SHC4: variants seen among roughly 807,000 people sequenced by gnomAD.
SHC4 encodes the protein SHC-transforming protein 4.
SHC4 carries 41 observed loss-of-function variants against 69.4 expected under a neutral mutation model. That is an observed-to-expected ratio of 0.59 (90% CI 0.46 to 0.77). The LOEUF (loss-of-function observed/expected upper bound fraction) is 0.77. SHC4 is among the 30% of genes least tolerant of loss of function. The probability of loss-of-function intolerance (pLI) is 0.00; values close to 1 mark genes in which losing one functional copy is unlikely to be tolerated. For synonymous variants in SHC4, 318 were observed against 299.3 expected (o/e 1.06, Z -0.64); for missense variants, 777 against 783.8 (o/e 0.99, Z 0.10).
chr15:48,882,455 C>G (rs2141001653), intron 4 of SHC4, among the ~76,000 whole-genome samples: 1 of 152,254 alleles, frequency 6.6e-6, no homozygotes, highest in Admixed American at 6.5e-5. Flanking sequence ...ATGAAAACCA[C>G]CCGTTATCCT....
intron 2 of SHC4, among the ~76,000 whole-genome samples, chr15:48,905,161 C>G (rs933713502): frequency 6.6e-6 from 1 of 152,180 alleles, no homozygotes; most frequent in Non-Finnish European, 1.5e-5. Flanking sequence ...AGGATCATCT[C>G]AAGATCTGTG....
In SHC4 at chr15:48,962,640, C is replaced by T. The variant is rs141573025; in HGVS notation, c.376G>A (p.Gly126Ser). The change falls in exon 1 of 12, where the codon GGT (glycine) becomes AGT (serine). Residue 126 changes from glycine (G) to serine (S), a missense_variant. Coordinates refer to ENST00000332408, the MANE Select transcript of SHC4 (RefSeq NM_203349.4). ...TCTGGGGAAGAGGGGCCGCTGGAAC[C>T]TGGGTCCCGGCTTTCCTGGAGCTTC... ...RLKLQESRDP[G>S]SSGPSSPETS... The T allele has an allele frequency of 2.5e-6, 4 of 1,614,084 alleles. No homozygotes were observed. The African/African-American group carries it at 4.0e-5, about 16-fold the overall frequency.
intron 9 of SHC4, among the ~76,000 whole-genome samples, chr15:48,848,519 G>A (rs987586494): frequency 2.0e-5 from 3 of 152,126 alleles, no homozygotes; most frequent in Non-Finnish European, 4.4e-5. Context: ...CAGAATAGTA[G>A]AATATAGTAT....
intron 2 of SHC4, among the ~76,000 whole-genome samples, chr15:48,922,871 G>GTC (rs1611009): frequency 0.62 from 94,896 of 151,854 alleles, 30,050 homozygotes; most frequent in East Asian, 0.71. Context: ...TTGGAAAGTA[G>GTC]TAGATACCAT....
chr15:48,865,400 T>C lies in SHC4; in HGVS notation c.946+2418A>G, dbSNP rs1595737280. Reference sequence around the variant, plus strand: ...AAAGGAGGAAGAGGTGATAGAGACATATTAACTTTTAAAGCCAAGAAAACT... The same window carrying C: ...AAAGGAGGAAGAGGTGATAGAGACACATTAACTTTTAAAGCCAAGAAAACT... On this transcript the variant is annotated intron_variant, in intron 6 of 11. Coordinates refer to ENST00000332408, the MANE Select transcript of SHC4 (RefSeq NM_203349.4). Among the ~76,000 whole-genome samples, 4 of 152,274 alleles carry C rather than the reference T, an allele frequency of 2.6e-5. No individual in the cohort carries two copies. In the South Asian group the frequency reaches 6.2e-4, roughly 24 times the overall value.
At position 48,826,018 on chromosome 15, in the gene SHC4, G is replaced by A; in HGVS notation, c.1846C>T (p.Pro616Ser). 6.2e-7 allele frequency: 1 copy of A among 1,613,926 alleles called. No homozygotes were observed. The highest frequency in any genetic ancestry group is 2.2e-5 in the East Asian group (1 of 44,832). Residue 616 changes from proline to serine, a missense_variant, in exon 12 of 12, where the codon CCA becomes TCA. Transcript: ENST00000332408. The stretch of plus-strand genomic sequence containing the variant: ...GCTGGATTATTATCTTTTCTCACTG[G>A]TTGTTTAAGGCTTACTTCGCTTCCA... ...SSGSEVSLKQ[P>S]VRKDNNPALL...
intron 6 of SHC4, among the ~76,000 whole-genome samples, chr15:48,867,566 A>G (rs1027452206): frequency 2.6e-5 from 4 of 152,192 alleles, no homozygotes; most frequent in African/African-American, 9.7e-5. Context: ...TAACCATAAT[A>G]GCTTCTCTTT....
At chr15:48,828,091 GTA>G (rs1898721917) in intron 11 of SHC4, among the ~76,000 whole-genome samples, 4 of 109,288 alleles carry the variant, frequency 3.7e-5, no homozygotes, top group South Asian at 4.0e-4. Context: ...ACATATGTAT[GTA>G]TGTGTGTGTG....
chr15:48,915,158 C>T (rs553422901), intron 2 of SHC4, among the ~76,000 whole-genome samples: 3 of 152,192 alleles, frequency 2.0e-5, no homozygotes, highest in African/African-American at 4.8e-5. Context: ...CCCATTCCGT[C>T]GGTTGCCTTA....
At chr15:48,943,827 G>T (rs1901221581) in intron 1 of SHC4, among the ~76,000 whole-genome samples, 1 of 151,970 alleles carries the variant, frequency 6.6e-6, no homozygotes, top group African/African-American at 2.4e-5. Context: ...GTTTTGATTT[G>T]CATTTCCCTG....
chr15:48,885,128 G>A (rs1900010370), intron 3 of SHC4, among the ~76,000 whole-genome samples: 2 of 152,152 alleles, frequency 1.3e-5, no homozygotes, highest in Non-Finnish European at 2.9e-5. Context: ...AAGAAGTGTG[G>A]GGGTGTGGTG....
At chr15:48,953,956 G>A (rs1304045242) in intron 1 of SHC4, among the ~76,000 whole-genome samples, 2 of 152,156 alleles carry the variant, frequency 1.3e-5, no homozygotes, top group African/African-American at 4.8e-5. Flanking sequence ...TTAAAAGAGG[G>A]GAAAGAAGAA....
In SHC4 at chr15:48,825,806, T is replaced by C; in HGVS notation, c.*165A>G. 1 of 759,170 alleles carries C rather than the reference T, an allele frequency of 1.3e-6. No individual in the cohort carries two copies. The highest frequency in any genetic ancestry group is 3.2e-5 in the Admixed American group (1 of 31,504). The allele number at this position is 759,170 out of a possible 1,614,324, so 47.0% of individuals were successfully genotyped here. On this transcript the variant is annotated 3_prime_UTR_variant, in exon 12 of 12. Transcript: ENST00000332408. ...GATTTTCATTTCTGAAGACTAATTT[T>C]TGTTAGTTCTTCATTTTATAGAGGA...
intron 1 of SHC4, among the ~76,000 whole-genome samples, chr15:48,957,711 GC>G (rs1321757636): frequency 1.3e-5 from 2 of 152,230 alleles, no homozygotes; most frequent in Non-Finnish European, 2.9e-5. Flanking sequence ...AAAAAGATAT[GC>G]CCAAGTCTTA....
intron 1 of SHC4, among the ~76,000 whole-genome samples, chr15:48,929,398 T>A (rs963641596): frequency 4.6e-5 from 7 of 152,204 alleles, no homozygotes; most frequent in African/African-American, 1.7e-4. Context: ...TGAAAAGAGA[T>A]GACCTATCTT....
Position 48,843,549 on chromosome 15 carries a change from G to A in SHC4, c.1343C>T (p.Thr448Ile), listed in dbSNP as rs1415522267. The A allele has an allele frequency of 6.2e-7, 1 of 1,614,030 alleles. No individual in the cohort carries two copies. The highest frequency in any genetic ancestry group is 1.3e-5 in the African/African-American group (1 of 74,922). Residue 448 changes from threonine (T) to isoleucine (I), a missense_variant, in exon 10 of 12, where the codon ACC (threonine) becomes ATC (isoleucine). By Grantham distance (89) the Thr-to-Ile change is moderately conservative. Transcript: ENST00000332408. ...HPRGVQSQRD[T>I]SLLKHTCRVD... ...TCGGCACGTGTGCTTCAATAATGAG[G>A]TATCTCGCTGGGACTGCACCCCTCT...
At chr15:48,848,210 T>C (rs1476054120) in intron 9 of SHC4, among the ~76,000 whole-genome samples, 1 of 152,106 alleles carries the variant, frequency 6.6e-6, no homozygotes, top group Non-Finnish European at 1.5e-5. Flanking sequence ...CATCCCACCA[T>C]GGTTTTAGTA....
intron 4 of SHC4, among the ~76,000 whole-genome samples, chr15:48,882,114 C>T (rs79604798): frequency 0.027 from 4,114 of 152,208 alleles, 72 homozygotes; most frequent in Middle Eastern, 0.071. Flanking sequence ...TTTAATTAAT[C>T]CTTTTCTTGT....
At chr15:48,921,160 A>G (rs569848651) in intron 2 of SHC4, among the ~76,000 whole-genome samples, 11 of 152,326 alleles carry the variant, frequency 7.2e-5, no homozygotes, top group African/African-American at 2.4e-4. Context: ...ACATGCTACA[A>G]GATGAATTAA....
Sources: allele counts gnomAD v4.1 joint callset (sites outside exome capture counted in the v4.1 genomes callset), GRCh38; gene constraint gnomAD v4.1.1; transcripts MANE v1.5; gene names NCBI Gene and HGNC (gene_info 2026-07-23, HGNC 2026-07-21).